FBXO9: variants seen among roughly 807,000 people sequenced by gnomAD.
FBXO9 encodes the protein F-box protein 9, also known as F-box only protein 9.
A neutral mutation model predicts 63.7 loss-of-function variants in FBXO9; 43 were observed. The observed-to-expected ratio is 0.67, with a 90% CI of 0.53 to 0.87. The LOEUF is 0.87. Ranked by LOEUF, FBXO9 falls within the 40% of genes least tolerant of loss-of-function variation. The pLI is 0.00. For synonymous variants in FBXO9, 156 were observed against 171.7 expected (o/e 0.91, Z 0.72); for missense variants, 442 against 533.2 (o/e 0.83, Z 1.68).
chr6:53,084,459 G>A (rs1373458200), intron 7 of FBXO9, among the ~76,000 whole-genome samples: 2 of 152,162 alleles, frequency 1.3e-5, no homozygotes, highest in Non-Finnish European at 2.9e-5. Context: ...CCTGTCAAGT[G>A]AAAAAAGTAG....
chr6:53,074,523 G>A (rs1404056227), intron 3 of FBXO9, among the ~76,000 whole-genome samples: 2 of 152,188 alleles, frequency 1.3e-5, no homozygotes, highest in African/African-American at 2.4e-5. Flanking sequence ...GTGTGTATGT[G>A]TATAAATAGT....
Position 53,071,042 on chromosome 6 carries a change from G to T in FBXO9, c.4-15G>T. 2 of 1,563,284 alleles carry T rather than the reference G, an allele frequency of 1.3e-6. No homozygotes were observed. Among genetic ancestry groups the T allele is most frequent in the South Asian group, 2.4e-5 (2 of 84,762 alleles). On this transcript the variant is annotated splice_polypyrimidine_tract_variant and intron_variant, in intron 1 of 12. Transcript: ENST00000323557. The stretch of plus-strand genomic sequence containing the variant: ...TGTTTATATGCCTGACATTATTTGG[G>T]TTTTCCCCCCTCAGGCAGAAGCTGA...
chr6:53,072,555 TGA>T (rs1768959867), intron 2 of FBXO9, among the ~76,000 whole-genome samples: 2 of 152,156 alleles, frequency 1.3e-5, no homozygotes, highest in South Asian at 4.1e-4. Context: ...GGGTGGGGAT[TGA>T]GAGGACAGTG....
At chr6:53,071,857 A>C (rs1768928309) in intron 2 of FBXO9, among the ~76,000 whole-genome samples, 1 of 152,240 alleles carries the variant, frequency 6.6e-6, no homozygotes, top group South Asian at 2.1e-4. Context: ...TAAATATGCA[A>C]CTATAAAGAT....
At chr6:53,080,168 A>C (rs943555121) in intron 5 of FBXO9, among the ~76,000 whole-genome samples, 1 of 151,996 alleles carries the variant, frequency 6.6e-6, no homozygotes. Context: ...TTTTTTTTAA[A>C]TAAGATCTGA....
At chr6:53,087,574 T>TA (rs1319665393) in intron 7 of FBXO9, among the ~76,000 whole-genome samples, 1 of 152,112 alleles carries the variant, frequency 6.6e-6, no homozygotes, top group Non-Finnish European at 1.5e-5. Context: ...GAACTTCTGA[T>TA]ATAAATCTGA....
chr6:53,065,705 C>A lies in FBXO9; in HGVS notation c.-85C>A. 1 of 1,411,656 alleles carries A rather than the reference C, an allele frequency of 7.1e-7. No homozygotes were observed. Among genetic ancestry groups the A allele is most frequent in the South Asian group, 1.4e-5 (1 of 70,766 alleles). The allele number at this position is 1,411,656 out of a possible 1,614,324, so 87.4% of individuals were successfully genotyped here. On this transcript the variant is annotated 5_prime_UTR_variant, in exon 1 of 13. Transcript: ENST00000323557. ...CTGCAGAGACAGGCAGGAGTAGACA[C>A]CCGGACACCCAGCACCCCTCCTCCG... is the stretch of plus-strand genomic sequence containing the variant.
chr6:53,095,718 T>C (rs1763193111), intron 12 of FBXO9, 54 bp downstream of exon 12: 1 of 1,460,996 alleles, frequency 6.8e-7, no homozygotes, highest in Admixed American at 2.2e-5. Flanking sequence ...ATACTTCGTA[T>C]CCAGCTTAAG....
At position 53,067,198 on chromosome 6, in the gene FBXO9, T is replaced by C. The variant is rs577036114; in HGVS notation, c.3+1406T>C. 2.6e-5 allele frequency among the ~76,000 whole-genome samples: 4 copies of C among 152,306 alleles called. No homozygotes were observed. In the East Asian group the frequency reaches 7.7e-4, roughly 29 times the overall value. ...TTATGATAAACTTTTAATCACAGAA[T>C]GTCACATGAAAAGGGACCTCAGTAG... On this transcript the variant is annotated intron_variant, in intron 1 of 12. Coordinates refer to ENST00000323557, the MANE Select transcript of FBXO9 (RefSeq NM_033480.3).
intron 6 of FBXO9, 58 bp from the exon 7 acceptor site, chr6:53,082,446 A>G: frequency 1.8e-6 from 2 of 1,098,646 alleles, no homozygotes; most frequent in Non-Finnish European, 2.7e-6. Flanking sequence ...CTGGGAATGT[A>G]GTTGTGACAA....
chr6:53,093,750 C>T (rs1763118141), intron 10 of FBXO9, 135 bp from the exon 11 acceptor site: 2 of 869,930 alleles, frequency 2.3e-6, no homozygotes, highest in Non-Finnish European at 3.5e-6. Context: ...TCTTTGGAGC[C>T]TTGGAATTGA....
At chr6:53,066,102 T>TGAG in intron 1 of FBXO9, 2 of 1,176,732 alleles carry the variant, frequency 1.7e-6, no homozygotes, top group Non-Finnish European at 2.1e-6. Flanking sequence ...ATTGAACCAG[T>TGAG]CTCGGTCCTC....
Position 53,072,551 on chromosome 6 carries a change from G to A in FBXO9, c.91-930G>A, listed in dbSNP as rs376634275. Among the ~76,000 whole-genome samples the A allele has an allele frequency of 1.0e-3, 152 of 152,270 alleles. No individual in the cohort carries two copies. The South Asian group carries it at 0.019, about 19-fold the overall frequency. ...TAGCCGTTGATCAGTCATTGGGTGG[G>A]GATTGAGAGGACAGTGTGATTTTGC... On this transcript the variant is annotated intron_variant, in intron 2 of 12. Transcript: ENST00000323557.
chr6:53,071,799 A>G (rs1479949082), intron 2 of FBXO9, among the ~76,000 whole-genome samples: 1 of 152,248 alleles, frequency 6.6e-6, no homozygotes, highest in Non-Finnish European at 1.5e-5. Flanking sequence ...CCCTTGATAC[A>G]GCAATTCTAC....
chr6:53,071,020 T>TTA, intron 1 of FBXO9, 37 bp from the exon 2 acceptor site: 1 of 1,555,502 alleles, frequency 6.4e-7, no homozygotes, highest in East Asian at 2.4e-5. Flanking sequence ...ACTGGTGTGT[T>TTA]TATATGCCTG....
intron 1 of FBXO9, among the ~76,000 whole-genome samples, chr6:53,068,656 T>G (rs200803876): frequency 2.7e-4 from 21 of 78,764 alleles, no homozygotes; most frequent in African/African-American, 7.1e-4. Context: ...ATATATGTGT[T>G]TTTTTTTTTT....
Position 53,081,015 on chromosome 6 carries a change from A to G in FBXO9, c.455A>G (p.Tyr152Cys), listed in dbSNP as rs761536754. The G allele has an allele frequency of 9.3e-6, 15 of 1,613,756 alleles. 1 individual carries two copies. Among genetic ancestry groups the G allele is most frequent in the East Asian group, 2.2e-5 (1 of 44,870 alleles). The change falls in exon 6 of 13, where the codon TAC (tyrosine) becomes TGC (cysteine). Residue 152 changes from tyrosine to cysteine, a missense_variant. Physicochemically the swap from Tyr to Cys is radical, Grantham distance 194. Transcript: ENST00000323557. The stretch of plus-strand genomic sequence containing the variant: ...AGCAAAATGGCAGATCTCTTGTCCT[A>G]CTTCCAGCAGCAACTCACATTTCAG... The part of the protein sequence containing the change: ...DDSKMADLLS[Y>C]FQQQLTFQES...
chr6:53,077,869 T>C (rs547895596), intron 4 of FBXO9, among the ~76,000 whole-genome samples: 2 of 152,290 alleles, frequency 1.3e-5, no homozygotes, highest in African/African-American at 4.8e-5. Context: ...CAGAATATAT[T>C]GAATCATAAA....
intron 7 of FBXO9, among the ~76,000 whole-genome samples, chr6:53,084,119 T>C (rs9296698): frequency 0.081 from 12,326 of 152,258 alleles, 1,287 homozygotes; most frequent in African/African-American, 0.24. Context: ...TCTGCAGAAA[T>C]TTAACAAGTA....
Sources: allele counts gnomAD v4.1 joint callset (sites outside exome capture counted in the v4.1 genomes callset), GRCh38; gene constraint gnomAD v4.1.1; transcripts MANE v1.5; gene names NCBI Gene and HGNC (gene_info 2026-07-23, HGNC 2026-07-21).